The following TTC7B variants were observed in gnomAD, a reference collection of about 807,000 sequenced individuals.
TTC7B encodes tetratricopeptide repeat protein 7B.
A neutral mutation model predicts 106.8 loss-of-function variants in TTC7B; 28 were observed. The ratio of observed to expected loss-of-function variants is 0.26; its 90% CI spans 0.19 to 0.36. The LOEUF (loss-of-function observed/expected upper bound fraction) is 0.36, where lower values mean the gene tolerates loss of function less well. Ranked by LOEUF, TTC7B falls within the 10% of genes least tolerant of loss-of-function variation. The pLI is 1.00. For missense variants in TTC7B, 862 were observed against 1,076.4 expected, an observed-to-expected ratio of 0.80 and a Z score of 2.79; for synonymous variants, 405 against 430.6, an observed-to-expected ratio of 0.94 and a Z score of 0.74.
chr14:90,711,631 A>T (rs1472355635), intron 5 of TTC7B, among the ~76,000 whole-genome samples: 1 of 152,234 alleles, frequency 6.6e-6, no homozygotes, highest in Non-Finnish European at 1.5e-5. Flanking sequence ...CATGTTGGCC[A>T]GGCTGGTCTC....
At chr14:90,620,953 T>C (rs964985237) in intron 15 of TTC7B, among the ~76,000 whole-genome samples, 3 of 151,832 alleles carry the variant, frequency 2.0e-5, no homozygotes, top group Non-Finnish European at 2.9e-5. Context: ...GCACAAACGA[T>C]GGAAAAAAGC....
chr14:90,568,706 C>T (rs965274811), intron 19 of TTC7B, among the ~76,000 whole-genome samples: 9 of 152,108 alleles, frequency 5.9e-5, no homozygotes, highest in Admixed American at 3.9e-4. Context: ...AAGCACCAAG[C>T]AGAAAATGTC....
rs900430117 is a variant in TTC7B, at chr14:90,529,732, G to A, written c.*11636C>T. On this transcript the variant is annotated 3_prime_UTR_variant, in exon 20 of 20. Coordinates refer to ENST00000328459, the MANE Select transcript of TTC7B (RefSeq NM_001010854.2). Reference sequence around the variant, plus strand: ...TGAGTTAATACATGTCGAATGATTGGTGCATAATAAATGCTCAATAATTGT... The same window carrying A: ...TGAGTTAATACATGTCGAATGATTGATGCATAATAAATGCTCAATAATTGT... 1 of 152,150 alleles carries A rather than the reference G, an allele frequency of 6.6e-6. No individual in the cohort carries two copies. The highest frequency in any genetic ancestry group is 2.4e-5 in the African/African-American group (1 of 41,420). 9.4% of individuals were successfully genotyped at this position (152,150 alleles called of 1,614,324 possible).
intron 9 of TTC7B, among the ~76,000 whole-genome samples, chr14:90,665,561 C>A (rs10146836): frequency 6.6e-6 from 1 of 152,084 alleles, no homozygotes; most frequent in Non-Finnish European, 1.5e-5. Context: ...GTACCACAAG[C>A]ACAGCAAAGC....
chr14:90,814,877 G>A (rs1033587550), intron 1 of TTC7B, among the ~76,000 whole-genome samples: 1 of 148,696 alleles, frequency 6.7e-6, no homozygotes, highest in African/African-American at 2.5e-5. Flanking sequence ...CTATCTCCAT[G>A]CCCCTGACAC....
At chr14:90,738,509 A>G (rs1889631637) in intron 4 of TTC7B, among the ~76,000 whole-genome samples, 1 of 152,114 alleles carries the variant, frequency 6.6e-6, no homozygotes, top group Admixed American at 6.6e-5. Context: ...CTCGAGGCTT[A>G]GGCAGGAGAA....
chr14:90,729,997 C>G, intron 5 of TTC7B, 78 bp downstream of exon 5: 1 of 1,394,876 alleles, frequency 7.2e-7, no homozygotes, highest in South Asian at 1.6e-5. Context: ...ATTATAATAA[C>G]TAAACTGGAG....
intron 19 of TTC7B, among the ~76,000 whole-genome samples, chr14:90,563,179 G>T (rs1232889211): frequency 6.6e-6 from 1 of 152,152 alleles, no homozygotes; most frequent in Non-Finnish European, 1.5e-5. Context: ...ACAATCCTAG[G>T]AGGCTGCTAT....
intron 3 of TTC7B, among the ~76,000 whole-genome samples, chr14:90,776,060 G>C (rs1284574783): frequency 6.6e-6 from 1 of 151,898 alleles, no homozygotes; most frequent in African/African-American, 2.4e-5. Context: ...GAAGGCCACA[G>C]AAAATGCTGA....
intron 3 of TTC7B, among the ~76,000 whole-genome samples, chr14:90,777,918 G>A (rs1272591096): frequency 6.6e-6 from 1 of 152,228 alleles, no homozygotes; most frequent in Non-Finnish European, 1.5e-5. Context: ...AGCATTTTAT[G>A]TGTGCTATCT....
intron 3 of TTC7B, chr14:90,766,527 C>T (rs976022314): frequency 1.1e-4 from 84 of 749,078 alleles, no homozygotes; most frequent in South Asian, 3.4e-4. Context: ...CTTGTACTGC[C>T]GCCATGTCTC....
At chr14:90,654,164 G>A (rs1426365144) in intron 12 of TTC7B, among the ~76,000 whole-genome samples, 1 of 152,172 alleles carries the variant, frequency 6.6e-6, no homozygotes, top group Non-Finnish European at 1.5e-5. Flanking sequence ...GTAAGGGAGA[G>A]AAGGGAGTTT....
chr14:90,794,298 CT>C (rs1891699026), intron 1 of TTC7B, among the ~76,000 whole-genome samples: 1 of 147,946 alleles, frequency 6.8e-6, no homozygotes, highest in Admixed American at 6.8e-5. Flanking sequence ...GCAATCTCGG[CT>C]CACTGCAACC....
At chr14:90,789,844 G>C (rs1246256206) in intron 1 of TTC7B, among the ~76,000 whole-genome samples, 1 of 151,642 alleles carries the variant, frequency 6.6e-6, no homozygotes, top group African/African-American at 2.4e-5. Flanking sequence ...TGCAGTAAGC[G>C]GAGATCGCGC....
chr14:90,586,893 C>A (rs186535368), intron 18 of TTC7B, among the ~76,000 whole-genome samples: 1 of 152,276 alleles, frequency 6.6e-6, no homozygotes, highest in African/African-American at 2.4e-5. Context: ...TGTCACCAGT[C>A]ACCCACAGAC....
intron 13 of TTC7B, chr14:90,648,402 G>C (rs1466300599): frequency 6.6e-6 from 1 of 152,228 alleles, no homozygotes; most frequent in East Asian, 1.9e-4. Context: ...CCAGGCTGGA[G>C]TGCAGTGGCA....
In TTC7B at chr14:90,578,920, C is replaced by G. The variant is rs926709138; in HGVS notation, c.2108-612G>C. 1.3e-5 allele frequency among the ~76,000 whole-genome samples: 2 copies of G among 152,178 alleles called. No homozygotes were observed. The highest frequency in any genetic ancestry group is 4.8e-5 in the African/African-American group (2 of 41,450). On this transcript the variant is annotated intron_variant, in intron 18 of 19. Transcript: ENST00000328459. The surrounding 1 kb of genome is among the most constrained non-coding windows in gnomAD (Gnocchi z 4.7). Reference sequence around the variant, plus strand: ...TCTTATCTGTGTCACAGTGACAAAGCCCTTTGACAAGCCAAGCTATCGCTT... The same window carrying G: ...TCTTATCTGTGTCACAGTGACAAAGGCCTTTGACAAGCCAAGCTATCGCTT...
intron 4 of TTC7B, among the ~76,000 whole-genome samples, chr14:90,738,825 A>T (rs554290427): frequency 6.6e-6 from 1 of 152,342 alleles, no homozygotes; most frequent in African/African-American, 2.4e-5. Context: ...CACACACGTG[A>T]TACCAGCCTG....
chr14:90,696,603 G>A (rs1376770493), intron 5 of TTC7B, among the ~76,000 whole-genome samples: 2 of 152,158 alleles, frequency 1.3e-5, no homozygotes, highest in African/African-American at 4.8e-5. Context: ...GGTTCTGTAA[G>A]TTACAAGCAC....
Sources: allele counts gnomAD v4.1 joint callset (sites outside exome capture counted in the v4.1 genomes callset), GRCh38; gene constraint gnomAD v4.1.1; non-coding constraint Gnocchi (gnomAD v3.1); transcripts MANE v1.5; gene names NCBI Gene and HGNC (gene_info 2026-07-23, HGNC 2026-07-21).